The following CELF2 variants were observed in gnomAD, a reference collection of about 807,000 sequenced individuals.
CELF2 encodes the protein CUGBP Elav-like family member 2, also known as CUG triplet repeat RNA-binding protein 2.
A neutral mutation model predicts 62.6 loss-of-function variants in CELF2; 8 were observed. The ratio of observed to expected loss-of-function variants is 0.13; its 90% confidence interval spans 0.07 to 0.23. The LOEUF (loss-of-function observed/expected upper bound fraction) is 0.23. CELF2 is among the 10% of genes least tolerant of loss of function. The probability of loss-of-function intolerance (pLI) is 1.00; values close to 1 mark genes in which losing one functional copy is unlikely to be tolerated. For missense variants in CELF2, 333 were observed against 671.0 expected (o/e 0.50, Z 5.56); for synonymous variants, 258 against 250.0 (o/e 1.03, Z -0.30).
the CELF2 span, among the ~76,000 whole-genome samples, chr10:10,741,623 G>A: frequency 6.6e-6 from 1 of 151,990 alleles, no homozygotes; most frequent in Non-Finnish European, 1.5e-5. Flanking sequence ...ATGGGTTTTG[G>A]CAAGAATGGC....
At chr10:11,096,495 AAT>A (rs1308905022) in intron 1 of CELF2, 5 of 152,232 alleles carry the variant, frequency 3.3e-5, no homozygotes, top group Non-Finnish European at 7.3e-5. Flanking sequence ...ACTAAAAACA[AAT>A]TAAGTATCTT....
At chr10:11,183,944 C>A (rs769150171) in intron 2 of CELF2, among the ~76,000 whole-genome samples, 5 of 152,180 alleles carry the variant, frequency 3.3e-5, no homozygotes, top group Non-Finnish European at 7.3e-5. Flanking sequence ...TAAATTCCTT[C>A]TTTTACTGAT....
chr10:11,326,049 T>G (rs1049650137), intron 12 of CELF2, 70 bp downstream of exon 12: 1 of 1,474,532 alleles, frequency 6.8e-7, no homozygotes, highest in African/African-American at 1.4e-5. Context: ...AAGGAAAATG[T>G]GAGACAGTTT....
chr10:10,722,057 C>T, the CELF2 span, among the ~76,000 whole-genome samples: 2 of 152,126 alleles, frequency 1.3e-5, no homozygotes, highest in East Asian at 1.9e-4. Context: ...AATCCCAGCA[C>T]TTTGGGAGGC....
the CELF2 span, among the ~76,000 whole-genome samples, chr10:10,499,326 G>T: frequency 6.6e-6 from 1 of 151,920 alleles, no homozygotes; most frequent in Non-Finnish European, 1.5e-5. Context: ...TCAGCCTCCC[G>T]AAGTGCTGGG....
In CELF2 at chr10:10,990,720, T is replaced by C. The variant is rs1261243154; in HGVS notation, c.89+70721T>C. On this transcript the variant is annotated intron_variant, in intron 2 of 13. Transcript: ENST00000636488. This position sits in a 1 kb window ranked among gnomAD's most constrained non-coding sequence, Gnocchi z 4.6. ...CCAGAGATTTGTAGATAAATAATTG[T>C]TATAAAACAAGTCTTGTTTCTGCCT... 3.3e-5 allele frequency among the ~76,000 whole-genome samples: 5 copies of C among 152,210 alleles called. No homozygotes were observed. The highest frequency in any genetic ancestry group is 1.2e-4 in the African/African-American group (5 of 41,460).
At chr10:11,137,950 GTGTT>G (rs1474366113) in intron 1 of CELF2, among the ~76,000 whole-genome samples, 16 of 152,322 alleles carry the variant, frequency 1.1e-4, no homozygotes, top group African/African-American at 3.6e-4. Context: ...ATACCAACCA[GTGTT>G]TGTTCAATTT....
chr10:10,894,516 G>A (rs2062397336), intron 1 of CELF2, among the ~76,000 whole-genome samples: 1 of 152,202 alleles, frequency 6.6e-6, no homozygotes, highest in African/African-American at 2.4e-5. Context: ...AAAAGATAAT[G>A]TGAAAGTTCC....
At chr10:10,543,606 G>A in the CELF2 span, among the ~76,000 whole-genome samples, 2 of 152,284 alleles carry the variant, frequency 1.3e-5, no homozygotes, top group South Asian at 2.1e-4. Flanking sequence ...CAGCACTTTG[G>A]GAGGTCAAGG....
intron 4 of CELF2, chr10:11,257,450 T>TA (rs3832665): frequency 0.07 from 19,506 of 276,892 alleles, 934 homozygotes; most frequent in Admixed American, 0.15. Flanking sequence ...GCATTACTGT[T>TA]AGTTTCTGAA....
intron 1 of CELF2, among the ~76,000 whole-genome samples, chr10:10,899,076 A>G (rs1404494282): frequency 6.6e-6 from 1 of 152,224 alleles, no homozygotes; most frequent in Non-Finnish European, 1.5e-5. Context: ...GAATGCCCCT[A>G]AAGCAGTATT....
chr10:11,103,400 T>C (rs1253457625), intron 1 of CELF2, among the ~76,000 whole-genome samples: 2 of 151,918 alleles, frequency 1.3e-5, no homozygotes, highest in Non-Finnish European at 2.9e-5. Context: ...TACATTTTTA[T>C]TAACATTTTA....
intron 8 of CELF2, among the ~76,000 whole-genome samples, chr10:11,284,442 T>G (rs111667772): frequency 2.0e-5 from 2 of 101,784 alleles, no homozygotes; most frequent in Non-Finnish European, 2.2e-5. Flanking sequence ...TGGATGAGTG[T>G]GTGGTGGGTG....
At chr10:10,736,531 G>A in the CELF2 span, among the ~76,000 whole-genome samples, 2 of 151,602 alleles carry the variant, frequency 1.3e-5, no homozygotes, top group African/African-American at 4.8e-5. Context: ...TGTTATGAAC[G>A]AATAAGACAA....
the CELF2 span, among the ~76,000 whole-genome samples, chr10:10,639,611 A>G: frequency 6.6e-6 from 1 of 152,202 alleles, no homozygotes; most frequent in African/African-American, 2.4e-5. Flanking sequence ...ATATCTTTAA[A>G]ATCCTTCAAA....
rs751699440 is a variant in CELF2 at position 11,334,382 on chromosome 10, T to TAA, written c.*5330_*5331insAA. ...TACTTGTTTCTCTCTCTGCGTGTTGTATTGTTGGTAGTCATTATATGTTGG... is the reference window on the plus strand; with the variant it reads ...TACTTGTTTCTCTCTCTGCGTGTTGTAAATTGTTGGTAGTCATTATATGTTGG... On this transcript the variant is annotated 3_prime_UTR_variant, in exon 13 of 13. Transcript: ENST00000633077. 6.5e-6 allele frequency: 1 copy of TAA among 152,682 alleles called. No individual in the cohort carries two copies. Among genetic ancestry groups the TAA allele is most frequent in the Non-Finnish European group, 1.5e-5 (1 of 68,048 alleles). 9.5% of individuals were successfully genotyped at this position (152,682 alleles called of 1,614,324 possible).
the CELF2 span, among the ~76,000 whole-genome samples, chr10:10,674,232 A>G: frequency 6.6e-6 from 1 of 152,150 alleles, no homozygotes; most frequent in Non-Finnish European, 1.5e-5. Flanking sequence ...ATTAAGAACC[A>G]TTGTCTTCTT....
At chr10:11,206,497 G>A (rs1226498309) in intron 2 of CELF2, among the ~76,000 whole-genome samples, 2 of 152,182 alleles carry the variant, frequency 1.3e-5, no homozygotes, top group African/African-American at 4.8e-5. Flanking sequence ...CACCTACCGC[G>A]TTTAACCCCG....
intron 2 of CELF2, among the ~76,000 whole-genome samples, chr10:10,981,950 C>CTTTTT (rs34134637): frequency 1.1e-4 from 14 of 125,352 alleles, no homozygotes; most frequent in African/African-American, 1.6e-4. Context: ...CTTCCTTTTC[C>CTTTTT]TTTTTTTTTT....
Sources: allele counts gnomAD v4.1 joint callset (sites outside exome capture counted in the v4.1 genomes callset), GRCh38; gene constraint gnomAD v4.1.1; non-coding constraint Gnocchi (gnomAD v3.1); transcripts MANE v1.5; gene names NCBI Gene and HGNC (gene_info 2026-07-23, HGNC 2026-07-21).